The following IFT88 variants were observed in gnomAD, a reference collection of about 807,000 sequenced individuals.
The protein encoded by IFT88 is intraflagellar transport protein 88 homolog.
Under a neutral mutation model 119.5 loss-of-function variants are expected in IFT88, and 74 were observed. That is an observed-to-expected ratio of 0.62 (90% CI 0.51 to 0.75). IFT88 has a LOEUF of 0.75. Among genes scored for constraint, IFT88 ranks in the 30% least tolerant of loss-of-function variants. IFT88 has a pLI of 0.00. For missense variants in IFT88, 961 were observed against 977.7 expected (o/e 0.98, Z 0.23); for synonymous variants, 279 against 316.7 (o/e 0.88, Z 1.26).
intron 23 of IFT88, among the ~76,000 whole-genome samples, chr13:20,666,197 T>C (rs570241878): frequency 9.2e-5 from 14 of 152,380 alleles, no homozygotes; most frequent in African/African-American, 2.9e-4. Context: ...TTTACCTTTC[T>C]GGACTTCATT....
chr13:20,610,312 A>G (rs758871055), intron 13 of IFT88, among the ~76,000 whole-genome samples: 43 of 152,200 alleles, frequency 2.8e-4, no homozygotes, highest in African/African-American at 9.4e-4. Context: ...TTTGGTCCCA[A>G]GCTGAGACAA....
intron 3 of IFT88, 100 bp from the exon 4 acceptor site, chr13:20,589,711 A>G (rs2040331583): frequency 1.9e-6 from 1 of 532,714 alleles, no homozygotes; most frequent in Admixed American, 3.1e-5. Flanking sequence ...TTATATAAAT[A>G]TTTCTTTATT....
chr13:20,637,132 G>C lies in IFT88; in HGVS notation c.1387-1200G>C, dbSNP rs2049134905. Among the ~76,000 whole-genome samples, 3 of 152,304 alleles carry C rather than the reference G, an allele frequency of 2.0e-5. No individual in the cohort carries two copies. In the South Asian group the frequency reaches 6.2e-4, roughly 32 times the overall value. On this transcript the variant is annotated intron_variant, in intron 16 of 25. Transcript: ENST00000351808. ...AACAGATTAGTGGTTGCCAGGGGCTGGGGGAAGAGGAGGATGGGAAGTGAC... is the reference window on the plus strand; with the variant it reads ...AACAGATTAGTGGTTGCCAGGGGCTCGGGGAAGAGGAGGATGGGAAGTGAC...
At chr13:20,623,641 A>C (rs2046875831) in intron 14 of IFT88, among the ~76,000 whole-genome samples, 1 of 151,486 alleles carries the variant, frequency 6.6e-6, no homozygotes, top group African/African-American at 2.4e-5. Context: ...TGCCCAGCTA[A>C]TTTTTTTTGT....
chr13:20,662,337 G>A (rs1195172986), intron 22 of IFT88, among the ~76,000 whole-genome samples: 1 of 151,782 alleles, frequency 6.6e-6, no homozygotes, highest in Non-Finnish European at 1.5e-5. Context: ...AAAAAGTCCA[G>A]GACCAGACAG....
chr13:20,592,908 A>C (rs1307461045), intron 7 of IFT88, among the ~76,000 whole-genome samples: 2 of 151,998 alleles, frequency 1.3e-5, no homozygotes, highest in South Asian at 4.1e-4. Context: ...TGCCAGAACT[A>C]ACAAAATTAA....
At chr13:20,687,734 AAAAG>A (rs1318984663) in intron 24 of IFT88, among the ~76,000 whole-genome samples, 1 of 152,188 alleles carries the variant, frequency 6.6e-6, no homozygotes, top group Non-Finnish European at 1.5e-5. Flanking sequence ...AAAAAGAAAA[AAAAG>A]AAAAGAAGAA....
intron 1 of IFT88, among the ~76,000 whole-genome samples, 154 bp downstream of exon 1, chr13:20,567,410 ACTCGGCCTGCCCCTG>A (rs2035059485): frequency 6.6e-6 from 1 of 152,112 alleles, no homozygotes. Context: ...CCCCAGATGG[ACTCGGCCTGCCCCTG>A]CTTTTCTTCC....
At chr13:20,579,188 A>G (rs373459324) in intron 2 of IFT88, among the ~76,000 whole-genome samples, 4 of 152,278 alleles carry the variant, frequency 2.6e-5, no homozygotes, top group African/African-American at 9.6e-5. Context: ...ACTGTATCCC[A>G]CAGCTTTTGG....
At position 20,596,218 on chromosome 13, in the gene IFT88, A is replaced by G. The variant is rs768714968; in HGVS notation, c.467A>G (p.Asn156Ser). The G allele has an allele frequency of 9.7e-6, 15 of 1,542,936 alleles. No homozygotes were observed. The highest frequency in any genetic ancestry group is 4.7e-5 in the East Asian group (2 of 42,262). Reference protein sequence around the residue: ...NELVEESCIANSCGDLKLALE... With the variant: ...NELVEESCIASSCGDLKLALE... ...TTGGTAGAAGAAAGCTGTATTGCCA[A>G]TAGTTGTGGAGACTTAAAATTGGTA... The change falls in exon 8 of 26, where the codon AAT becomes AGT. Residue 156 changes from asparagine (N) to serine (S), a missense_variant. Asn to Ser is a conservative substitution (Grantham distance 46). Transcript: ENST00000351808.
chr13:20,589,514 T>C (rs1182868095), intron 3 of IFT88, among the ~76,000 whole-genome samples: 3 of 152,292 alleles, frequency 2.0e-5, no homozygotes, highest in African/African-American at 4.8e-5. Context: ...GTAATAATTA[T>C]GCAATAAAAT....
intron 7 of IFT88, 91 bp from the exon 8 acceptor site, chr13:20,596,059 A>G: frequency 3.4e-6 from 1 of 297,072 alleles, no homozygotes. Flanking sequence ...TGTCTGTAAA[A>G]TAAAATAAAA....
At position 20,641,361 on chromosome 13, in the gene IFT88, C is replaced by G. The variant is rs372386358; in HGVS notation, c.1645C>G (p.Arg549Gly). 6.2e-7 allele frequency: 1 copy of G among 1,611,822 alleles called. No individual in the cohort carries two copies. Among genetic ancestry groups the G allele is most frequent in the African/African-American group, 1.3e-5 (1 of 74,908 alleles). ...DCFLKLHAIL[R>G]NSAEVLYQIA... ...TTTCCTGAAACTTCACGCAATCCTA[C>G]GAAACAGTGCCGAAGTTCTTTACCA... Residue 549 changes from arginine to glycine, a missense_variant, in exon 18 of 26, where the codon CGA becomes GGA. Transcript: ENST00000351808.
chr13:20,661,057 T>C (rs2053698286), intron 22 of IFT88, among the ~76,000 whole-genome samples: 1 of 152,212 alleles, frequency 6.6e-6, no homozygotes, highest in Non-Finnish European at 1.5e-5. Flanking sequence ...TTTTATGTGC[T>C]GGGGATACAA....
chr13:20,600,977 C>T (rs2042497169), intron 11 of IFT88, among the ~76,000 whole-genome samples: 1 of 152,098 alleles, frequency 6.6e-6, no homozygotes, highest in African/African-American at 2.4e-5. Context: ...GGAAGAATCT[C>T]AAAAAATTAT....
chr13:20,574,887 C>T (rs548644545), intron 2 of IFT88, among the ~76,000 whole-genome samples: 24 of 152,218 alleles, frequency 1.6e-4, no homozygotes, highest in African/African-American at 5.8e-4. Context: ...TTGATACAGG[C>T]ATACAATGTG....
At chr13:20,592,817 T>TGACTTCCATAAGAATTACATAATTATGA in intron 7 of IFT88, among the ~76,000 whole-genome samples, 1 of 152,160 alleles carries the variant, frequency 6.6e-6, no homozygotes, top group African/African-American at 2.4e-5. Context: ...CATAATTATG[T>TGACTTCCATAAGAATTACATAATTATGA]GAATTCCATA....
chr13:20,584,269 ACACAGGATG>A (rs955447382), intron 3 of IFT88, among the ~76,000 whole-genome samples: 55 of 152,264 alleles, frequency 3.6e-4, no homozygotes, highest in African/African-American at 1.3e-3. Context: ...GAACCTATGA[ACACAGGATG>A]CCTTTCCATT....
rs774295812 is a variant in IFT88 at position 20,601,787 on chromosome 13, A to G, written c.895A>G (p.Met299Val). 3.7e-6 allele frequency: 6 copies of G among 1,613,552 alleles called. No individual in the cohort carries two copies. The East Asian group carries it at 1.1e-4, about 30-fold the overall frequency. The change falls in exon 12 of 26, where the codon ATG (methionine) becomes GTG (valine). Residue 299 changes from methionine to valine, a missense_variant. Met to Val is a conservative substitution (Grantham distance 21). Coordinates refer to ENST00000351808, the MANE Select transcript of IFT88 (RefSeq NM_006531.5). ...TGCTATTAATTCATATGAGCACATA[A>G]TGAGCATGGCACCAAATCTGAAGGC... ...SDAINSYEHI[M>V]SMAPNLKAGY...
Sources: allele counts gnomAD v4.1 joint callset (sites outside exome capture counted in the v4.1 genomes callset), GRCh38; gene constraint gnomAD v4.1.1; transcripts MANE v1.5; gene names NCBI Gene and HGNC (gene_info 2026-07-23, HGNC 2026-07-21).